Variants in RASGRP1 observed in about 807,000 individuals in gnomAD.
The protein encoded by RASGRP1 is RAS guanyl releasing protein 1.
Under a neutral mutation model 95.1 loss-of-function variants are expected in RASGRP1, and 37 were observed. The ratio of observed to expected loss-of-function variants is 0.39; its 90% CI spans 0.30 to 0.51. RASGRP1 has a LOEUF of 0.51. Among genes scored for constraint, RASGRP1 ranks in the 20% least tolerant of loss-of-function variants. The pLI is 0.80. For synonymous variants in RASGRP1, 325 were observed against 353.4 expected (o/e 0.92, Z 0.90); for missense variants, 711 against 965.4 (o/e 0.74, Z 3.49).
At chr15:38,512,753 C>G in intron 7 of RASGRP1, 30 bp downstream of exon 7, 1 of 1,612,312 alleles carries the variant, frequency 6.2e-7, no homozygotes, top group Non-Finnish European at 8.5e-7. Flanking sequence ...CCTTATAGCC[C>G]AAGCCAAATG....
intron 2 of RASGRP1, among the ~76,000 whole-genome samples, chr15:38,555,395 G>A (rs2141191930): frequency 6.6e-6 from 1 of 152,336 alleles, no homozygotes; most frequent in African/African-American, 2.4e-5. Flanking sequence ...ATTGAATGGA[G>A]TTTCATTTCT....
At chr15:38,515,887 C>CAGAGAGAGAGAGAGAGAG (rs34032922) in intron 6 of RASGRP1, among the ~76,000 whole-genome samples, 1 of 140,904 alleles carries the variant, frequency 7.1e-6, no homozygotes, top group African/African-American at 2.7e-5. Flanking sequence ...ATGAGAGAGA[C>CAGAGAGAGAGAGAGAGAG]AGAGAGAGAG....
chr15:38,511,810 A>G (rs1333215085), intron 7 of RASGRP1, 90 bp from the exon 8 acceptor site: 2 of 880,366 alleles, frequency 2.3e-6, no homozygotes, highest in African/African-American at 1.8e-5. Flanking sequence ...CTGTGCCGTG[A>G]GTCTCCCTTA....
intron 2 of RASGRP1, among the ~76,000 whole-genome samples, chr15:38,545,827 T>A (rs555272765): frequency 1.4e-3 from 215 of 152,358 alleles, no homozygotes; most frequent in African/African-American, 5.0e-3. Flanking sequence ...TCCATATTAT[T>A]TCTAATAAAT....
intron 2 of RASGRP1, among the ~76,000 whole-genome samples, chr15:38,558,719 C>G (rs1893676116): frequency 6.6e-6 from 1 of 152,214 alleles, no homozygotes; most frequent in Non-Finnish European, 1.5e-5. Flanking sequence ...TACTTTAAAC[C>G]AACGTTGAAA....
At chr15:38,492,274 C>G (rs1339129406) in intron 16 of RASGRP1, among the ~76,000 whole-genome samples, 1 of 152,102 alleles carries the variant, frequency 6.6e-6, no homozygotes, top group Non-Finnish European at 1.5e-5. Context: ...ATCTGTTGTT[C>G]TTTTTTCGTA....
At chr15:38,528,062 T>C (rs1259949175) in intron 2 of RASGRP1, among the ~76,000 whole-genome samples, 1 of 152,168 alleles carries the variant, frequency 6.6e-6, no homozygotes, top group Non-Finnish European at 1.5e-5. Flanking sequence ...TGGTACTCTG[T>C]TGCCCTTATC....
chr15:38,511,136 A>C (rs1409572604), intron 8 of RASGRP1, among the ~76,000 whole-genome samples: 2 of 152,226 alleles, frequency 1.3e-5, no homozygotes, highest in Non-Finnish European at 2.9e-5. Flanking sequence ...ATCTGGTAAA[A>C]TTCAACTATC....
intron 2 of RASGRP1, among the ~76,000 whole-genome samples, chr15:38,555,084 C>A (rs1893501533): frequency 6.6e-6 from 1 of 152,228 alleles, no homozygotes; most frequent in Non-Finnish European, 1.5e-5. Context: ...AATACCTAAT[C>A]TTTCCTTTGT....
At chr15:38,500,939 T>C (rs142210427) in intron 13 of RASGRP1, among the ~76,000 whole-genome samples, 112 of 152,156 alleles carry the variant, frequency 7.4e-4, no homozygotes, top group African/African-American at 2.6e-3. Flanking sequence ...TAAGGCCTCA[T>C]TGCAATAGAA....
At chr15:38,541,408 C>T (rs530487693) in intron 2 of RASGRP1, among the ~76,000 whole-genome samples, 57 of 152,038 alleles carry the variant, frequency 3.7e-4, no homozygotes, top group Non-Finnish European at 5.9e-4. Flanking sequence ...CTGGGCAACG[C>T]AGCAGGACCT....
chr15:38,507,279 AAG>A (rs1891297877), intron 9 of RASGRP1, among the ~76,000 whole-genome samples: 1 of 152,202 alleles, frequency 6.6e-6, no homozygotes, highest in Non-Finnish European at 1.5e-5. Context: ...GAATATCTCC[AAG>A]AGCAAAGATC....
intron 12 of RASGRP1, 40 bp from the exon 13 acceptor site, chr15:38,501,327 G>A: frequency 6.2e-7 from 1 of 1,607,500 alleles, no homozygotes; most frequent in Non-Finnish European, 8.5e-7. Context: ...GAGTATAAGG[G>A]GCATGGAGGC....
chr15:38,537,949 T>A lies in RASGRP1; in HGVS notation c.221-11545A>T, dbSNP rs552998779. On this transcript the variant is annotated intron_variant, in intron 2 of 16. Coordinates refer to ENST00000310803, the MANE Select transcript of RASGRP1 (RefSeq NM_005739.4). ...AGGAAAGAAACTGGTCTCTATTCAGTAGTCAAGAGCTGAATAGGAATGTGC... is the reference window on the plus strand; with the variant it reads ...AGGAAAGAAACTGGTCTCTATTCAGAAGTCAAGAGCTGAATAGGAATGTGC... Among the ~76,000 whole-genome samples, 8 of 152,296 alleles carry A rather than the reference T, an allele frequency of 5.3e-5. No individual in the cohort carries two copies. In the South Asian group the frequency reaches 1.7e-3, roughly 32 times the overall value.
chr15:38,498,971 A>G (rs2141084978), intron 14 of RASGRP1, 25 bp from the exon 15 acceptor site: 1 of 1,613,900 alleles, frequency 6.2e-7, no homozygotes, highest in Non-Finnish European at 8.5e-7. Flanking sequence ...TCCTGGGTCA[A>G]GAAGTCTTTC....
At chr15:38,525,907 T>C (rs1460547643) in intron 3 of RASGRP1, among the ~76,000 whole-genome samples, 1 of 152,214 alleles carries the variant, frequency 6.6e-6, no homozygotes, top group Non-Finnish European at 1.5e-5. Context: ...CTTCAGAACC[T>C]GGAGAAAGTT....
At chr15:38,531,819 G>A (rs904922576) in intron 2 of RASGRP1, among the ~76,000 whole-genome samples, 3 of 152,138 alleles carry the variant, frequency 2.0e-5, no homozygotes, top group Admixed American at 6.5e-5. Flanking sequence ...TTTTCAACGA[G>A]AGAATGGTTC....
chr15:38,492,709 T>G (rs1423143451), intron 16 of RASGRP1, among the ~76,000 whole-genome samples: 1 of 152,282 alleles, frequency 6.6e-6, no homozygotes, highest in Non-Finnish European at 1.5e-5. Context: ...TTTCTTACCA[T>G]TTGTAGGTTC....
At chr15:38,544,783 T>C (rs972793856) in intron 2 of RASGRP1, among the ~76,000 whole-genome samples, 9 of 152,254 alleles carry the variant, frequency 5.9e-5, no homozygotes, top group Admixed American at 2.0e-4. Flanking sequence ...TCCAGTTTCC[T>C]GTACCATGAT....
Sources: gnomAD v4.1 joint callset for allele counts (sites outside exome capture counted in the v4.1 genomes callset) on GRCh38, gnomAD v4.1.1 for gene constraint, MANE v1.5 for transcripts, NCBI Gene and HGNC (gene_info 2026-07-23, HGNC 2026-07-21) for gene names.